TMTC2: variants seen among roughly 807,000 people sequenced by gnomAD.
TMTC2 encodes protein O-mannosyl-transferase TMTC2.
Under a neutral mutation model 82.4 loss-of-function variants are expected in TMTC2, and 43 were observed. That is an observed-to-expected ratio of 0.52 (90% CI 0.41 to 0.67). TMTC2 has a LOEUF of 0.67. TMTC2 is among the 30% of genes least tolerant of loss of function. The probability of loss-of-function intolerance (pLI) is 0.00; values close to 1 mark genes in which losing one functional copy is unlikely to be tolerated. For synonymous variants in TMTC2, 408 were observed against 381.9 expected, an observed-to-expected ratio of 1.07 and a Z score of -0.80; for missense variants, 919 against 1,012.4, an observed-to-expected ratio of 0.91 and a Z score of 1.25.
intron 1 of TMTC2, among the ~76,000 whole-genome samples, chr12:82,845,895 C>A (rs1356971603): frequency 6.9e-6 from 1 of 145,810 alleles, no homozygotes; most frequent in Non-Finnish European, 1.5e-5. Flanking sequence ...GATAAACATT[C>A]TTTTAAATGG....
intron 3 of TMTC2, among the ~76,000 whole-genome samples, chr12:82,911,799 G>A (rs2137210641): frequency 6.6e-6 from 1 of 151,998 alleles, no homozygotes; most frequent in East Asian, 1.9e-4. Context: ...TAGTAGAGAT[G>A]GGGTTTTGCC....
chr12:82,764,143 C>T (rs1261746702), intron 1 of TMTC2, among the ~76,000 whole-genome samples: 3 of 151,966 alleles, frequency 2.0e-5, no homozygotes, highest in Non-Finnish European at 2.9e-5. Context: ...CACACACATA[C>T]ACACTTTTTT....
intron 11 of TMTC2, among the ~76,000 whole-genome samples, chr12:83,108,804 A>G (rs909017615): frequency 3.9e-5 from 6 of 152,358 alleles, no homozygotes; most frequent in African/African-American, 1.2e-4. Context: ...TTCAGTGATT[A>G]AAGTTAGGTG....
intron 8 of TMTC2, among the ~76,000 whole-genome samples, chr12:83,021,150 T>C (rs1880903030): frequency 6.6e-6 from 1 of 152,192 alleles, no homozygotes; most frequent in Non-Finnish European, 1.5e-5. Context: ...GCTTTTCCCA[T>C]TTTCCCCCCT....
intron 3 of TMTC2, among the ~76,000 whole-genome samples, chr12:82,898,873 G>A (rs1261545619): frequency 6.6e-6 from 1 of 152,088 alleles, no homozygotes. Context: ...AAAAGGAGAG[G>A]GCAAATACTC....
At chr12:83,002,788 T>C (rs1879985318) in intron 8 of TMTC2, among the ~76,000 whole-genome samples, 1 of 151,776 alleles carries the variant, frequency 6.6e-6, no homozygotes, top group African/African-American at 2.4e-5. Flanking sequence ...TTTGATTTTT[T>C]TTTTTAAATT....
At chr12:82,692,695 T>C (rs1565710382) in intron 1 of TMTC2, among the ~76,000 whole-genome samples, 1 of 152,230 alleles carries the variant, frequency 6.6e-6, no homozygotes, top group African/African-American at 2.4e-5. Context: ...CAGCTTTGGA[T>C]ACTTATTTTA....
intron 1 of TMTC2, among the ~76,000 whole-genome samples, chr12:82,844,647 A>T (rs1451292154): frequency 6.6e-6 from 1 of 152,036 alleles, no homozygotes; most frequent in Admixed American, 6.6e-5. Context: ...TAAAAAATAC[A>T]AAAAGTTAGC....
At chr12:82,961,074 G>A (rs920288668) in intron 4 of TMTC2, among the ~76,000 whole-genome samples, 6 of 151,552 alleles carry the variant, frequency 4.0e-5, no homozygotes, top group South Asian at 2.1e-4. Flanking sequence ...CCCAAGGTTC[G>A]TTATGTGCAA....
chr12:82,997,206 C>CCTCTCCCT (rs1565844774), intron 8 of TMTC2, among the ~76,000 whole-genome samples: 8 of 117,892 alleles, frequency 6.8e-5, no homozygotes, highest in South Asian at 6.3e-4. Context: ...TCCCCCTCTC[C>CCTCTCCCT]CTCTCTCTCT....
intron 1 of TMTC2, among the ~76,000 whole-genome samples, chr12:82,799,307 A>G (rs1018878160): frequency 6.6e-6 from 1 of 152,168 alleles, no homozygotes; most frequent in African/African-American, 2.4e-5. Flanking sequence ...TCCATGTTGC[A>G]GGAAGAGAGA....
chr12:82,819,495 T>C (rs1474366389), intron 1 of TMTC2, among the ~76,000 whole-genome samples: 2 of 141,784 alleles, frequency 1.4e-5, no homozygotes, highest in African/African-American at 2.8e-5. Context: ...CTTTCTCTCT[T>C]TCTTTTTTTT....
intron 1 of TMTC2, among the ~76,000 whole-genome samples, chr12:82,798,370 G>A (rs1190265095): frequency 8.1e-5 from 12 of 148,682 alleles, no homozygotes; most frequent in African/African-American, 2.0e-4. Context: ...GGTGGCGGGC[G>A]CCTGTAGTCC....
Position 82,902,633 on chromosome 12 carries a change from A to G in TMTC2, c.1483+5987A>G, listed in dbSNP as rs73360286. Among the ~76,000 whole-genome samples, 1,471 of 152,288 alleles carry G rather than the reference A, an allele frequency of 9.7e-3. 23 individuals are homozygous for G. Among genetic ancestry groups the G allele is most frequent in the African/African-American group, 0.034 (1,413 of 41,564 alleles). ...GCCATGGTGACCTTTTGGAAACACA[A>G]GTCAGGGCATGGTGTTCCACTGTCC... On this transcript the variant is annotated intron_variant, in intron 3 of 11. Coordinates refer to ENST00000321196, the MANE Select transcript of TMTC2 (RefSeq NM_152588.3).
Position 82,895,895 on chromosome 12 carries a change from C to T in TMTC2, c.732C>T (p.Tyr244=). The T allele has an allele frequency of 6.2e-7, 1 of 1,613,866 alleles. No homozygotes were observed. Among genetic ancestry groups the T allele is most frequent in the Non-Finnish European group, 8.5e-7 (1 of 1,179,964 alleles). Residue 244 remains tyrosine (Y), a synonymous_variant, in exon 3 of 12, where the codon TAC becomes TAT. Transcript: ENST00000321196. ...CCTCCCTTTTGGGTGCCCGGTTATA[C>T]TGGATGGGAAACAAACCACCAAGCT... ...WGSSLLGARL[Y]WMGNKPPSFS...
chr12:83,092,407 G>T (rs888371209), intron 11 of TMTC2, among the ~76,000 whole-genome samples: 13 of 152,102 alleles, frequency 8.5e-5, no homozygotes, highest in Non-Finnish European at 4.4e-5. Flanking sequence ...GGAAGTTCAG[G>T]GTAAGAGTTT....
At chr12:82,940,553 T>A (rs748988145) in intron 4 of TMTC2, among the ~76,000 whole-genome samples, 1 of 152,080 alleles carries the variant, frequency 6.6e-6, no homozygotes, top group Admixed American at 6.5e-5. Context: ...TTCTGTATCA[T>A]AAATCTTACT....
At chr12:82,760,817 C>G in intron 1 of TMTC2, 2 of 402,738 alleles carry the variant, frequency 5.0e-6, no homozygotes, top group South Asian at 3.4e-5. Context: ...AGGTTTCATA[C>G]TTGTTATGAA....
intron 3 of TMTC2, among the ~76,000 whole-genome samples, chr12:82,930,036 A>G (rs2137242276): frequency 6.6e-6 from 1 of 152,026 alleles, no homozygotes; most frequent in South Asian, 2.1e-4. Context: ...GTTTTTTCAT[A>G]CTTGAATGAA....
Sources: gnomAD v4.1 joint callset for allele counts (sites outside exome capture counted in the v4.1 genomes callset) on GRCh38, gnomAD v4.1.1 for gene constraint, MANE v1.5 for transcripts, NCBI Gene and HGNC (gene_info 2026-07-23, HGNC 2026-07-21) for gene names.